The following SLC39A14 variants were observed in gnomAD, a reference collection of about 807,000 sequenced individuals.
SLC39A14 encodes the protein solute carrier family 39 member 14, also known as metal cation symporter ZIP14.
A neutral mutation model predicts 45.5 loss-of-function variants in SLC39A14; 19 were observed. The observed-to-expected ratio is 0.42, with a 90% CI of 0.29 to 0.61. SLC39A14 has a LOEUF of 0.61. SLC39A14 is among the 20% of genes least tolerant of loss of function. The probability of loss-of-function intolerance (pLI) is 0.22; values close to 1 mark genes in which losing one functional copy is unlikely to be tolerated. For missense variants in SLC39A14, 447 were observed against 616.5 expected (o/e 0.73, Z 2.91); for synonymous variants, 264 against 251.3 (o/e 1.05, Z -0.48).
intron 1 of SLC39A14, among the ~76,000 whole-genome samples, chr8:22,403,152 A>G (rs1834983820): frequency 6.6e-6 from 1 of 151,736 alleles, no homozygotes; most frequent in Non-Finnish European, 1.5e-5. Context: ...AATTTTTTCT[A>G]TTTTTAGTAG....
intron 5 of SLC39A14, 55 bp downstream of exon 5, chr8:22,414,957 A>G: frequency 6.3e-7 from 1 of 1,593,280 alleles, no homozygotes; most frequent in Non-Finnish European, 8.5e-7. Flanking sequence ...CCCATCTCAA[A>G]CAATGTTGAT....
chr8:22,391,596 G>A (rs911727810), intron 1 of SLC39A14, among the ~76,000 whole-genome samples: 4 of 151,516 alleles, frequency 2.6e-5, no homozygotes, highest in Non-Finnish European at 5.9e-5. Flanking sequence ...TTGAGATGGA[G>A]TCTTTGCTCT....
Position 22,416,417 on chromosome 8 carries a change from C to T in SLC39A14, c.1147+137C>T. The T allele has an allele frequency of 5.5e-6, 4 of 727,088 alleles. No individual in the cohort carries two copies. The South Asian group carries it at 7.2e-5, about 13-fold the overall frequency. The allele number at this position is 727,088 out of a possible 1,614,324, so 45.0% of individuals were successfully genotyped here. ...CTGATTTAACACACTCCTAAAGCTT[C>T]ATGGACCCTAATCACCTTTTTTTTG... is the stretch of plus-strand genomic sequence containing the variant. On this transcript the variant is annotated intron_variant, in intron 7 of 8. Transcript: ENST00000381237.
At chr8:22,425,171 C>G (rs148153711), downstream of SLC39A14, among the ~76,000 whole-genome samples, 241 of 152,162 alleles carry the variant, frequency 1.6e-3, no homozygotes, top group African/African-American at 5.6e-3. Context: ...ATTACTCGGT[C>G]CACCTTAATT....
At chr8:22,412,570 G>A (rs1162090093) in intron 4 of SLC39A14, among the ~76,000 whole-genome samples, 2 of 152,178 alleles carry the variant, frequency 1.3e-5, no homozygotes, top group Non-Finnish European at 2.9e-5. Flanking sequence ...TCTGATGTGG[G>A]GTGAAAAGAT....
intron 2 of SLC39A14, 141 bp from the exon 3 acceptor site, chr8:22,408,169 T>A: frequency 1.4e-6 from 1 of 711,870 alleles, no homozygotes; most frequent in Non-Finnish European, 2.3e-6. Flanking sequence ...ATCCCTAGAC[T>A]AGATGAATCT....
chr8:22,406,875 A>C (rs1835252728), intron 2 of SLC39A14, among the ~76,000 whole-genome samples: 1 of 152,188 alleles, frequency 6.6e-6, no homozygotes, highest in Admixed American at 6.5e-5. Context: ...TCCAGCCCCC[A>C]GCCTTAGAAG....
chr8:22,369,938 T>A (rs1024638999), intron 1 of SLC39A14, among the ~76,000 whole-genome samples: 12 of 152,140 alleles, frequency 7.9e-5, no homozygotes, highest in Non-Finnish European at 1.6e-4. Flanking sequence ...TGGATGCAAT[T>A]TCCCTGCCCT....
intron 4 of SLC39A14, among the ~76,000 whole-genome samples, chr8:22,413,677 T>C (rs1307173356): frequency 6.6e-6 from 1 of 152,164 alleles, no homozygotes; most frequent in African/African-American, 2.4e-5. Context: ...TCAAGGCCCG[T>C]TTCCCATCAG....
chr8:22,432,692 C>T (rs1305947070), intron 8 of SLC39A14, among the ~76,000 whole-genome samples: 2 of 148,032 alleles, frequency 1.4e-5, no homozygotes, highest in Non-Finnish European at 3.0e-5. Flanking sequence ...TTGTTGCCCA[C>T]GCTGGAGTGC....
chr8:22,370,033 A>G (rs548154326), intron 1 of SLC39A14, among the ~76,000 whole-genome samples: 14 of 152,096 alleles, frequency 9.2e-5, no homozygotes, highest in African/African-American at 2.9e-4. Flanking sequence ...ACTTTTTTCT[A>G]CCTTTGGTTC....
chr8:22,434,044 A>G (rs1335705936), exon 9 of SLC39A14: 2 of 243,564 alleles, frequency 8.2e-6, no homozygotes, highest in African/African-American at 2.3e-5. Flanking sequence ...ACAATACTGT[A>G]TATATATGGT....
intron 1 of SLC39A14, among the ~76,000 whole-genome samples, chr8:22,377,344 G>T (rs1054755293): frequency 6.6e-6 from 1 of 151,098 alleles, no homozygotes; most frequent in Admixed American, 6.6e-5. Context: ...TTGTAACTTC[G>T]CTGCCCCAGC....
At chr8:22,412,611 G>A (rs13271192) in intron 4 of SLC39A14, among the ~76,000 whole-genome samples, 4,774 of 152,230 alleles carry the variant, frequency 0.031, 101 homozygotes, top group Non-Finnish European at 0.044. Flanking sequence ...TGGCTTAGTT[G>A]TGGTGCTCAG....
chr8:22,415,023 T>C (rs1275007033), intron 5 of SLC39A14, 121 bp downstream of exon 5: 1 of 1,218,430 alleles, frequency 8.2e-7, no homozygotes, highest in Non-Finnish European at 1.1e-6. Flanking sequence ...TCCGTGAAAC[T>C]CTAATTTCTT....
intron 1 of SLC39A14, chr8:22,390,606 C>T (rs1834018568): frequency 6.1e-6 from 1 of 162,686 alleles, no homozygotes; most frequent in Admixed American, 5.8e-5. Flanking sequence ...TGGCCTACAA[C>T]TCCATGTTTT....
intron 8 of SLC39A14, among the ~76,000 whole-genome samples, chr8:22,428,464 A>T (rs1157212405): frequency 1.8e-5 from 2 of 113,526 alleles, no homozygotes; most frequent in Admixed American, 1.1e-4. Context: ...TTTTTTTGAG[A>T]CTGAGTCTCA....
At position 22,419,721 on chromosome 8, in the gene SLC39A14, A is replaced by T; in HGVS notation, c.*23A>T. 1 of 1,564,020 alleles carries T rather than the reference A, an allele frequency of 6.4e-7. No individual in the cohort carries two copies. The highest frequency in any genetic ancestry group is 2.3e-5 in the East Asian group (1 of 44,106). On this transcript the variant is annotated 3_prime_UTR_variant, in exon 9 of 9. Transcript: ENST00000381237. ...TAGGGCTCTGCCAAGAGCCTGTGGG[A>T]CTGGAAGTCGGGCCCTGGGCTGCCC...
chr8:22,414,778 A>G lies in SLC39A14; in HGVS notation c.628-2A>G. 6.2e-7 allele frequency: 1 copy of G among 1,601,308 alleles called. No homozygotes were observed. The highest frequency in any genetic ancestry group is 8.5e-7 in the Non-Finnish European group (1 of 1,177,488). The stretch of plus-strand genomic sequence containing the variant: ...ACTCATTTTCTTTTCCTGGGTCCAC[A>G]GGCATTTGGTTTCAACCCTCTGGAA... On this transcript the variant is annotated splice_acceptor_variant, in intron 4 of 8. Coordinates refer to ENST00000381237, the MANE Select transcript of SLC39A14 (RefSeq NM_001128431.4). LOFTEE classifies it high-confidence loss of function.
Sources: allele counts gnomAD v4.1 joint callset (sites outside exome capture counted in the v4.1 genomes callset), GRCh38; gene constraint gnomAD v4.1.1; transcripts MANE v1.5; gene names NCBI Gene and HGNC (gene_info 2026-07-23, HGNC 2026-07-21).